The following TAGLN3 variants were observed in gnomAD, a reference collection of about 807,000 sequenced individuals.
TAGLN3 encodes transgelin-3.
Under a neutral mutation model 25.4 loss-of-function variants are expected in TAGLN3, and 12 were observed. The ratio of observed to expected loss-of-function variants is 0.47; its 90% CI spans 0.30 to 0.77. The LOEUF is 0.77. TAGLN3 is among the 30% of genes least tolerant of loss of function. The pLI is 0.06. For missense variants in TAGLN3, 218 were observed against 255.8 expected (o/e 0.85, Z 1.01); for synonymous variants, 96 against 94.8 (o/e 1.01, Z -0.08).
intron 2 of TAGLN3, 143 bp from the exon 3 acceptor site, chr3:112,000,629 A>C: frequency 1.2e-6 from 1 of 829,402 alleles, no homozygotes; most frequent in Admixed American, 2.2e-5. Context: ...TACACAGCCC[A>C]GAGCCCGTGC....
intron 3 of TAGLN3, among the ~76,000 whole-genome samples, chr3:112,003,805 C>T (rs2072888196): frequency 6.6e-6 from 1 of 152,142 alleles, no homozygotes; most frequent in South Asian, 2.1e-4. Flanking sequence ...GTGTCTTCTC[C>T]CAAGTAGGGC....
intron 3 of TAGLN3, among the ~76,000 whole-genome samples, chr3:112,005,290 C>CA (rs1189553445): frequency 6.6e-6 from 1 of 152,172 alleles, no homozygotes; most frequent in Non-Finnish European, 1.5e-5. Flanking sequence ...CTTTCCCCCC[C>CA]ACACTATTAG....
Position 112,011,047 on chromosome 3 carries a change from T to C in TAGLN3, c.356-716T>C, listed in dbSNP as rs373952834. On this transcript the variant is annotated intron_variant, in intron 3 of 4. Coordinates refer to ENST00000478951, the MANE Select transcript of TAGLN3 (RefSeq NM_001008272.2). ...CTTTTAACCCTATGCTTTTTAGCTT[T>C]TGTATTCCACACTGGTGCCTTGCAT... 3.3e-5 allele frequency among the ~76,000 whole-genome samples: 5 copies of C among 152,244 alleles called. No individual in the cohort carries two copies. The East Asian group carries it at 9.6e-4, about 29-fold the overall frequency.
chr3:111,999,245 A>G lies in TAGLN3; in HGVS notation c.-3+131A>G. 4 of 632,676 alleles carry G rather than the reference A, an allele frequency of 6.3e-6. No individual in the cohort carries two copies. The South Asian group carries it at 7.1e-5, about 11-fold the overall frequency. 39.2% of individuals were successfully genotyped at this position (632,676 alleles called of 1,614,324 possible). ...AGCTGTGCTTTTCTTTCCCGTTTGT[A>G]GGTGAAACCCCATTGGCTTCATTGG... On this transcript the variant is annotated intron_variant, in intron 1 of 4. Transcript: ENST00000478951.
Position 112,004,252 on chromosome 3 carries a change from G to C in TAGLN3, c.355+3306G>C, listed in dbSNP as rs550594355. Among the ~76,000 whole-genome samples the C allele has an allele frequency of 2.6e-5, 4 of 152,342 alleles. No individual in the cohort carries two copies. The East Asian group carries it at 7.7e-4, about 29-fold the overall frequency. On this transcript the variant is annotated intron_variant, in intron 3 of 4. Transcript: ENST00000478951. Reference sequence around the variant, plus strand: ...CAGATTACTTTTGGATTTGCCATGGGTGCCCTGGAAAGGGCAGGGGTGGGG... The same window carrying C: ...CAGATTACTTTTGGATTTGCCATGGCTGCCCTGGAAAGGGCAGGGGTGGGG...
At chr3:112,003,218 A>G (rs2072880719) in intron 3 of TAGLN3, among the ~76,000 whole-genome samples, 1 of 152,134 alleles carries the variant, frequency 6.6e-6, no homozygotes. Flanking sequence ...GGCTGACTCT[A>G]TGGAATGGCC....
intron 3 of TAGLN3, among the ~76,000 whole-genome samples, chr3:112,005,053 C>T (rs2107721923): frequency 6.6e-6 from 1 of 152,272 alleles, no homozygotes; most frequent in African/African-American, 2.4e-5. Flanking sequence ...ACAGAAGACC[C>T]CACTACACTG....
chr3:112,007,301 A>G (rs1434784078), intron 3 of TAGLN3, among the ~76,000 whole-genome samples: 1 of 152,206 alleles, frequency 6.6e-6, no homozygotes, highest in African/African-American at 2.4e-5. Context: ...TCTTGCTGTT[A>G]TACATTCTAT....
In TAGLN3 at chr3:112,013,403, T is replaced by A. The variant is rs768361241; in HGVS notation, c.459-7T>A. 1.1e-5 allele frequency: 18 copies of A among 1,607,488 alleles called. No individual in the cohort carries two copies. Among genetic ancestry groups the A allele is most frequent in the Non-Finnish European group, 1.4e-5 (17 of 1,175,628 alleles). On this transcript the variant is annotated splice_region_variant and splice_polypyrimidine_tract_variant and intron_variant, in intron 4 of 4. Transcript: ENST00000478951. ...TGACATTATTCCCTCTCACTTTCCT[T>A]GTCCAGGAAAGCCCAGCAGAATCGG...
intron 2 of TAGLN3, among the ~76,000 whole-genome samples, chr3:112,000,306 G>T (rs1204353673): frequency 6.6e-6 from 1 of 152,148 alleles, no homozygotes; most frequent in Non-Finnish European, 1.5e-5. Flanking sequence ...TTTACACATT[G>T]TTAAAATATA....
chr3:112,010,450 A>G (rs1333071994), intron 3 of TAGLN3, among the ~76,000 whole-genome samples: 1 of 152,204 alleles, frequency 6.6e-6, no homozygotes, highest in Admixed American at 6.5e-5. Flanking sequence ...TCAGAATATC[A>G]TTACTACATT....
intron 3 of TAGLN3, among the ~76,000 whole-genome samples, chr3:112,003,544 C>A (rs2072886245): frequency 1.3e-5 from 2 of 152,148 alleles, no homozygotes; most frequent in African/African-American, 4.8e-5. Flanking sequence ...TGAGGGGGTA[C>A]ATGTTTGTGC....
intron 4 of TAGLN3, among the ~76,000 whole-genome samples, 179 bp downstream of exon 4, chr3:112,012,044 T>G (rs2072982181): frequency 1.3e-5 from 2 of 152,188 alleles, no homozygotes; most frequent in South Asian, 4.1e-4. Context: ...GCCAGTAACC[T>G]AACCAGAGCA....
chr3:112,000,956 C>A lies in TAGLN3; in HGVS notation c.355+10C>A, dbSNP rs1324827877. 2 of 1,612,192 alleles carry A rather than the reference C, an allele frequency of 1.2e-6. No individual in the cohort carries two copies. The highest frequency in any genetic ancestry group is 1.7e-5 in the Admixed American group (1 of 59,950). On this transcript the variant is annotated intron_variant, in intron 3 of 4. Coordinates refer to ENST00000478951, the MANE Select transcript of TAGLN3 (RefSeq NM_001008272.2). ...GTGGATCTATGGGAAGGTAAACAGC[C>A]CCCTGGCCTTTGGGATTGTTCTTTT...
intron 3 of TAGLN3, among the ~76,000 whole-genome samples, chr3:112,006,851 G>T (rs2072922037): frequency 6.6e-6 from 1 of 152,146 alleles, no homozygotes; most frequent in Non-Finnish European, 1.5e-5. Context: ...ATAGCATTAA[G>T]AATTCCTGGG....
rs1199260399 is a variant in TAGLN3 at position 111,999,547 on chromosome 3, T to C, written c.125T>C (p.Ile42Thr). 2.5e-6 allele frequency: 4 copies of C among 1,613,912 alleles called. No homozygotes were observed. Among genetic ancestry groups the C allele is most frequent in the Middle Eastern group, 1.6e-4 (1 of 6,082 alleles). The change falls in exon 2 of 5, where the codon ATA becomes ACA. Residue 42 changes from isoleucine to threonine, a missense_variant. Ile to Thr is a moderately conservative substitution (Grantham distance 89). Transcript: ENST00000478951. ...DWIILQCAED[I>T]EHPPPGRAHF... ...ATCATCCTGCAGTGCGCCGAGGACA[T>C]AGAGCACCCGCCCCCCGGCAGGGCC... is the stretch of plus-strand genomic sequence containing the variant.
Position 112,013,566 on chromosome 3 carries a change from C to T in TAGLN3, c.*15C>T, listed in dbSNP as rs754723648. The T allele has an allele frequency of 1.7e-5, 28 of 1,613,898 alleles. No individual in the cohort carries two copies. Among genetic ancestry groups the T allele is most frequent in the Non-Finnish European group, 2.3e-5 (27 of 1,179,924 alleles). ...AGATCATGTAGGACGCGGCATCCTG[C>T]CCCTGGTAGAGAGGACGAATGTTCC... On this transcript the variant is annotated 3_prime_UTR_variant, in exon 5 of 5. Coordinates refer to ENST00000478951, the MANE Select transcript of TAGLN3 (RefSeq NM_001008272.2).
At chr3:112,011,072 T>C (rs2072970585) in intron 3 of TAGLN3, among the ~76,000 whole-genome samples, 1 of 152,258 alleles carries the variant, frequency 6.6e-6, no homozygotes. Flanking sequence ...GTGCCTTGCA[T>C]GGACTTTTGG....
Position 111,999,537 on chromosome 3 carries a change from G to A in TAGLN3, c.115G>A (p.Ala39Thr). 1 of 1,614,186 alleles carries A rather than the reference G, an allele frequency of 6.2e-7. No homozygotes were observed. Among genetic ancestry groups the A allele is most frequent in the Non-Finnish European group, 8.5e-7 (1 of 1,180,030 alleles). The change falls in exon 2 of 5, where the codon GCC becomes ACC. Residue 39 changes from alanine (A) to threonine (T), a missense_variant. By Grantham distance (58) the Ala-to-Thr change is moderately conservative. Coordinates refer to ENST00000478951, the MANE Select transcript of TAGLN3 (RefSeq NM_001008272.2). ...GGTGGACTGGATCATCCTGCAGTGC[G>A]CCGAGGACATAGAGCACCCGCCCCC... ...KLVDWIILQC[A>T]EDIEHPPPGR...
Sources: allele counts gnomAD v4.1 joint callset (sites outside exome capture counted in the v4.1 genomes callset), GRCh38; gene constraint gnomAD v4.1.1; transcripts MANE v1.5; gene names NCBI Gene and HGNC (gene_info 2026-07-23, HGNC 2026-07-21).